The following ZNF503 variants were observed in gnomAD, a reference collection of about 807,000 sequenced individuals.
ZNF503 encodes NocA-like zinc finger 2.
A neutral mutation model predicts 34.4 loss-of-function variants in ZNF503; 15 were observed. The ratio of observed to expected loss-of-function variants is 0.44; its 90% CI spans 0.29 to 0.67. The LOEUF is 0.67. Ranked by LOEUF, ZNF503 falls within the 30% of genes least tolerant of loss-of-function variation. ZNF503 has a pLI of 0.13. For synonymous variants in ZNF503, 580 were observed against 456.8 expected (o/e 1.27, Z -3.44); for missense variants, 1,007 against 926.8 (o/e 1.09, Z -1.12).
At chr10:75,283,180 A>T in the ZNF503 span, 3 of 152,270 alleles carry the variant, frequency 2.0e-5, no homozygotes, top group African/African-American at 7.2e-5. Flanking sequence ...TGCTTTGCAC[A>T]TTAGTGCGTT....
At chr10:75,332,362 A>T in the ZNF503 span, among the ~76,000 whole-genome samples, 1 of 148,856 alleles carries the variant, frequency 6.7e-6, no homozygotes, top group Non-Finnish European at 1.5e-5. Flanking sequence ...TTTCCTACTG[A>T]TATTTTTTAG....
the ZNF503 span, among the ~76,000 whole-genome samples, chr10:75,292,623 GCCT>G: frequency 6.6e-6 from 1 of 152,160 alleles, no homozygotes; most frequent in Non-Finnish European, 1.5e-5. Context: ...TGGTTCACAT[GCCT>G]ATTCCCGGGC....
chr10:75,366,377 G>A, the ZNF503 span, among the ~76,000 whole-genome samples: 2 of 152,210 alleles, frequency 1.3e-5, no homozygotes, highest in African/African-American at 2.4e-5. Flanking sequence ...AACACCGTCT[G>A]CTCATAATAG....
the ZNF503 span, among the ~76,000 whole-genome samples, chr10:75,334,219 C>T: frequency 5.3e-5 from 8 of 152,088 alleles, no homozygotes; most frequent in South Asian, 4.2e-4. Context: ...CCGCGGGGCC[C>T]GTCCGCTCCT....
rs1843721499 is a variant in ZNF503, at chr10:75,397,969, T to G, written c.*780A>C. The G allele has an allele frequency of 6.6e-6, 1 of 152,582 alleles. No individual in the cohort carries two copies. The highest frequency in any genetic ancestry group is 2.4e-5 in the African/African-American group (1 of 41,438). The allele number at this position is 152,582 out of a possible 1,614,324, so 9.5% of individuals were successfully genotyped here. A position where few individuals can be genotyped will look rare whatever the true frequency, so the allele number is the denominator to read the frequency against. On this transcript the variant is annotated 3_prime_UTR_variant, in exon 2 of 2. Transcript: ENST00000372524. ...TTAAAAATTAAAAATAGTTAAGTGT[T>G]CCTTTTAAAGAACAAAATAAGGCAA...
At chr10:75,333,596 C>CA in the ZNF503 span, among the ~76,000 whole-genome samples, 228 of 89,020 alleles carry the variant, frequency 2.6e-3, 4 homozygotes, top group African/African-American at 0.012. Context: ...CTGACCCCCC[C>CA]ACCTTCCTCC....
chr10:75,345,575 C>T, the ZNF503 span, among the ~76,000 whole-genome samples: 1 of 136,414 alleles, frequency 7.3e-6, no homozygotes, highest in African/African-American at 2.8e-5. Context: ...GTGAAGGTTG[C>T]AGTGAACCAA....
chr10:75,315,261 G>T, the ZNF503 span, among the ~76,000 whole-genome samples: 2 of 152,218 alleles, frequency 1.3e-5, no homozygotes, highest in Non-Finnish European at 2.9e-5. Flanking sequence ...TCAGGAGGCT[G>T]AAGTGGGAGG....
At chr10:75,350,670 G>T in the ZNF503 span, among the ~76,000 whole-genome samples, 2 of 152,032 alleles carry the variant, frequency 1.3e-5, no homozygotes, top group South Asian at 4.2e-4. Flanking sequence ...GCCTCAGCCT[G>T]CTAAGTAGCT....
the ZNF503 span, among the ~76,000 whole-genome samples, chr10:75,370,514 C>T: frequency 0.011 from 1,610 of 152,158 alleles, 42 homozygotes; most frequent in African/African-American, 0.038. Context: ...GGCATGGTGG[C>T]TCATGCCTGT....
At position 75,401,506 on chromosome 10, in the gene ZNF503, A is replaced by T; in HGVS notation, c.-87T>A. On this transcript the variant is annotated 5_prime_UTR_variant, in exon 1 of 2. Transcript: ENST00000372524. The stretch of plus-strand genomic sequence containing the variant: ...GGGGCTGCGCGCTCGCCCCGGGAGC[A>T]GGAGCAGCGGGAGGAGGAGGAGCTG... The T allele has an allele frequency of 4.1e-6, 6 of 1,447,766 alleles. No individual in the cohort carries two copies. The highest frequency in any genetic ancestry group is 5.5e-6 in the Non-Finnish European group (6 of 1,095,970). 89.7% of individuals were successfully genotyped at this position (1,447,766 alleles called of 1,614,324 possible). A position where few individuals can be genotyped will look rare whatever the true frequency, so the allele number is the denominator to read the frequency against.
At chr10:75,351,168 G>A in the ZNF503 span, among the ~76,000 whole-genome samples, 3 of 152,022 alleles carry the variant, frequency 2.0e-5, no homozygotes, top group Non-Finnish European at 2.9e-5. Context: ...TTATCAGGAG[G>A]TGGCAATTTT....
At chr10:75,308,228 T>A in the ZNF503 span, among the ~76,000 whole-genome samples, 1 of 149,650 alleles carries the variant, frequency 6.7e-6, no homozygotes, top group Non-Finnish European at 1.5e-5. Flanking sequence ...ACTTTCATTA[T>A]ATGGAAAAAT....
chr10:75,292,010 G>C, the ZNF503 span, among the ~76,000 whole-genome samples: 47 of 152,304 alleles, frequency 3.1e-4, no homozygotes, highest in Middle Eastern at 6.8e-3. Flanking sequence ...CACACGGATA[G>C]GGAAGTACCA....
chr10:75,312,486 A>T, the ZNF503 span, among the ~76,000 whole-genome samples: 1 of 152,186 alleles, frequency 6.6e-6, no homozygotes, highest in Non-Finnish European at 1.5e-5. Flanking sequence ...ACATGTAGGT[A>T]TATCACAAAA....
the ZNF503 span, among the ~76,000 whole-genome samples, chr10:75,290,584 CCTT>C: frequency 1.6e-3 from 243 of 152,308 alleles, no homozygotes; most frequent in African/African-American, 5.7e-3. Context: ...GAATTAGCCT[CCTT>C]CTCTTCATGG....
the ZNF503 span, among the ~76,000 whole-genome samples, chr10:75,344,810 T>G: frequency 6.6e-6 from 1 of 152,136 alleles, no homozygotes; most frequent in Non-Finnish European, 1.5e-5. Context: ...GTCCATAGAG[T>G]ACTTCAGACA....
rs375190066 is a variant in ZNF503 at position 75,400,220 on chromosome 10, G to A, written c.470C>T (p.Thr157Ile). Residue 157 changes from threonine (T) to isoleucine (I), a missense_variant, in exon 2 of 2, where the codon ACC becomes ATC. Transcript: ENST00000372524. Reference protein sequence around the residue: ...AGGGAAGDKDTKSGPLKLSDI... With the variant: ...AGGGAAGDKDIKSGPLKLSDI... ...GCTCAGCTTCAGGGGGCCCGATTTG[G>A]TGTCCTTGTCGCCCGCAGCACCGCC... 6.2e-7 allele frequency: 1 copy of A among 1,608,016 alleles called. No individual in the cohort carries two copies. The highest frequency in any genetic ancestry group is 1.1e-5 in the South Asian group (1 of 90,270).
the ZNF503 span, among the ~76,000 whole-genome samples, chr10:75,308,167 G>A: frequency 6.9e-6 from 1 of 144,318 alleles, no homozygotes; most frequent in South Asian, 2.2e-4. Flanking sequence ...TCTTTAAATG[G>A]AAAAACAAAT....
Sources: gnomAD v4.1 joint callset for allele counts (sites outside exome capture counted in the v4.1 genomes callset) on GRCh38, gnomAD v4.1.1 for gene constraint, MANE v1.5 for transcripts, NCBI Gene and HGNC (gene_info 2026-07-23, HGNC 2026-07-21) for gene names.